Variants in BRAF observed in about 807,000 individuals in gnomAD.
The protein encoded by BRAF is serine/threonine-protein kinase B-raf.
BRAF carries 16 observed loss-of-function variants against 104.6 expected under a neutral mutation model. That is an observed-to-expected ratio of 0.15 (90% CI 0.10 to 0.23). The LOEUF (loss-of-function observed/expected upper bound fraction) is 0.23, where lower values mean the gene tolerates loss of function less well. BRAF is among the 10% of genes least tolerant of loss of function. The pLI, the probability that BRAF is intolerant of heterozygous loss-of-function variation, is 1.00. For synonymous variants in BRAF, 310 were observed against 341.6 expected (o/e 0.91, Z 1.02); for missense variants, 541 against 937.3 (o/e 0.58, Z 5.52).
intron 2 of BRAF, among the ~76,000 whole-genome samples, chr7:140,843,780 C>T (rs1182593681): frequency 2.6e-5 from 4 of 151,818 alleles, no homozygotes; most frequent in East Asian, 1.9e-4. Flanking sequence ...CTGAGGCGGG[C>T]GGATCACGAG....
chr7:140,803,718 C>T (rs1215958096), intron 5 of BRAF, among the ~76,000 whole-genome samples: 4 of 152,028 alleles, frequency 2.6e-5, no homozygotes, highest in African/African-American at 7.3e-5. Flanking sequence ...ACATGAGTCA[C>T]GTAACAGAAC....
At chr7:140,918,415 G>A (rs1476903140) in intron 1 of BRAF, among the ~76,000 whole-genome samples, 1 of 152,188 alleles carries the variant, frequency 6.6e-6, no homozygotes, top group Non-Finnish European at 1.5e-5. Context: ...TGATCTGACA[G>A]GAGGTGGAGC....
chr7:140,891,939 AG>A (rs1285959202), intron 1 of BRAF, among the ~76,000 whole-genome samples: 2 of 152,202 alleles, frequency 1.3e-5, no homozygotes, highest in Non-Finnish European at 2.9e-5. Flanking sequence ...TCCATAGTCA[AG>A]GAAGTTTATA....
At chr7:140,779,820 T>A (rs889653085) in intron 12 of BRAF, 2 of 152,198 alleles carry the variant, frequency 1.3e-5, no homozygotes, top group African/African-American at 4.8e-5. Flanking sequence ...TAATCCTAGC[T>A]ACTCAGGAGG....
rs1244281494 is a variant in BRAF at position 140,924,918 on chromosome 7, G to A, written c.-215C>T. 1 of 146,858 alleles carries A rather than the reference G, an allele frequency of 6.8e-6. No homozygotes were observed. The highest frequency in any genetic ancestry group is 2.5e-5 in the African/African-American group (1 of 39,326). The allele number at this position is 146,858 out of a possible 1,614,324, so 9.1% of individuals were successfully genotyped here. Reference sequence around the variant, plus strand: ...CCCCGGGCGCAGCCGAGCCTGAGGGGATTGGGGGAAGGACGCTAGGCGGGG... The same window carrying A: ...CCCCGGGCGCAGCCGAGCCTGAGGGAATTGGGGGAAGGACGCTAGGCGGGG... On this transcript the variant is annotated 5_prime_UTR_variant, in exon 1 of 20. Transcript: ENST00000644969. This position sits in a 1 kb window ranked among gnomAD's most constrained non-coding sequence, Gnocchi z 4.2.
rs1412825346 is a variant in BRAF at position 140,724,494 on chromosome 7, C to T, written c.*2000G>A. On this transcript the variant is annotated 3_prime_UTR_variant, in exon 20 of 20. Coordinates refer to ENST00000644969, the MANE Select transcript of BRAF (RefSeq NM_001374258.1). ...AATTTCTGAATTTTGTAAGACACTG[C>T]CCTGCTGATGTAAAACTTAAAAACA... is the stretch of plus-strand genomic sequence containing the variant. The T allele has an allele frequency of 9.5e-7, 1 of 1,052,272 alleles. No homozygotes were observed. Among genetic ancestry groups the T allele is most frequent in the East Asian group, 5.4e-5 (1 of 18,408 alleles). 65.2% of individuals were successfully genotyped at this position (1,052,272 alleles called of 1,614,324 possible).
chr7:140,884,423 TAA>T, intron 1 of BRAF, among the ~76,000 whole-genome samples: 1 of 136,206 alleles, frequency 7.3e-6, no homozygotes, highest in East Asian at 2.2e-4. Context: ...TATATATATA[TAA>T]GATATGTGTG....
chr7:140,766,095 A>T (rs1242730714), intron 14 of BRAF, among the ~76,000 whole-genome samples: 1 of 152,044 alleles, frequency 6.6e-6, no homozygotes, highest in Non-Finnish European at 1.5e-5. Context: ...TGTGGCACAT[A>T]TACACCATGC....
At chr7:140,812,160 C>G (rs1041875535) in intron 3 of BRAF, among the ~76,000 whole-genome samples, 3 of 140,628 alleles carry the variant, frequency 2.1e-5, no homozygotes, top group South Asian at 2.4e-4. Context: ...GCATGCACAC[C>G]TGTGTGTGTG....
chr7:140,869,136 G>T (rs996234773), intron 1 of BRAF, among the ~76,000 whole-genome samples: 1 of 152,166 alleles, frequency 6.6e-6, no homozygotes, highest in African/African-American at 2.4e-5. Context: ...ATCCCGGGAG[G>T]CACATTAACC....
At chr7:140,796,968 C>G (rs1802556036) in intron 7 of BRAF, among the ~76,000 whole-genome samples, 1 of 152,014 alleles carries the variant, frequency 6.6e-6, no homozygotes, top group South Asian at 2.1e-4. Flanking sequence ...TCAGTTAATA[C>G]AAACCAGTAT....
At chr7:140,842,051 G>T (rs1323802296) in intron 2 of BRAF, among the ~76,000 whole-genome samples, 4 of 152,140 alleles carry the variant, frequency 2.6e-5, no homozygotes, top group Non-Finnish European at 5.9e-5. Context: ...ATAATGGACT[G>T]TTCTGCATTC....
intron 1 of BRAF, among the ~76,000 whole-genome samples, chr7:140,861,223 C>G (rs2129083527): frequency 6.6e-6 from 1 of 152,268 alleles, no homozygotes; most frequent in East Asian, 1.9e-4. Context: ...AAGGGGTTGT[C>G]ATTTACAGAG....
Position 140,722,661 on chromosome 7 carries a change from TC to T in BRAF, c.*3832del. 9.5e-7 allele frequency: 1 copy of T among 1,052,962 alleles called. No individual in the cohort carries two copies. The allele number at this position is 1,052,962 out of a possible 1,614,324, so 65.2% of individuals were successfully genotyped here. On this transcript the variant is annotated 3_prime_UTR_variant, in exon 20 of 20. Coordinates refer to ENST00000644969, the MANE Select transcript of BRAF (RefSeq NM_001374258.1). ...GAAGAGAATCTTGCAAAAAGAGTAATCATTCTACCCTCTTAGCTGGGTGGTC... is the reference window on the plus strand; with the variant it reads ...GAAGAGAATCTTGCAAAAAGAGTAATATTCTACCCTCTTAGCTGGGTGGTC...
chr7:140,748,681 G>A (rs948752838), intron 17 of BRAF, among the ~76,000 whole-genome samples: 1 of 151,958 alleles, frequency 6.6e-6, no homozygotes, highest in Non-Finnish European at 1.5e-5. Flanking sequence ...AAGTCTAAGC[G>A]AGCCTACTGA....
intron 14 of BRAF, among the ~76,000 whole-genome samples, chr7:140,756,508 T>C (rs1192011656): frequency 6.6e-6 from 1 of 151,702 alleles, no homozygotes; most frequent in Admixed American, 6.6e-5. Flanking sequence ...AAACGTAATT[T>C]CCTAAGCACC....
At chr7:140,851,271 C>CG (rs1809131055) in intron 1 of BRAF, among the ~76,000 whole-genome samples, 1 of 152,054 alleles carries the variant, frequency 6.6e-6, no homozygotes, top group Admixed American at 6.6e-5. Flanking sequence ...TTAGGTTATA[C>CG]GGAAGATTCT....
intron 1 of BRAF, among the ~76,000 whole-genome samples, chr7:140,899,636 T>A (rs956516970): frequency 2.0e-5 from 3 of 151,890 alleles, no homozygotes; most frequent in Non-Finnish European, 4.4e-5. Flanking sequence ...ATCATTTAAA[T>A]TTTTTTTTAA....
At chr7:140,802,366 C>T (rs970732624) in intron 5 of BRAF, among the ~76,000 whole-genome samples, 64 of 144,312 alleles carry the variant, frequency 4.4e-4, no homozygotes, top group African/African-American at 1.6e-3. Flanking sequence ...GGCACGATCT[C>T]GGCTCACTGC....
Sources: gnomAD v4.1 joint callset for allele counts (sites outside exome capture counted in the v4.1 genomes callset) on GRCh38, gnomAD v4.1.1 for gene constraint, Gnocchi (gnomAD v3.1) non-coding constraint, MANE v1.5 for transcripts, NCBI Gene and HGNC (gene_info 2026-07-23, HGNC 2026-07-21) for gene names.